Variants in TRPS1 observed in about 807,000 individuals in gnomAD.
TRPS1 encodes the protein zinc finger transcription factor Trps1.
Under a neutral mutation model 101.2 loss-of-function variants are expected in TRPS1, and 6 were observed. The ratio of observed to expected loss-of-function variants is 0.06; its 90% CI spans 0.03 to 0.12. The LOEUF is 0.12. Ranked by LOEUF, TRPS1 falls within the 10% of genes least tolerant of loss-of-function variation. TRPS1 has a pLI of 1.00. For synonymous variants in TRPS1, 578 were observed against 589.8 expected (o/e 0.98, Z 0.29); for missense variants, 1,363 against 1,567.0 (o/e 0.87, Z 2.20).
At position 115,610,203 on chromosome 8, in the gene TRPS1, G is replaced by A. The variant is rs553965136; in HGVS notation, c.967-5201C>T. 1.2e-4 allele frequency among the ~76,000 whole-genome samples: 19 copies of A among 152,154 alleles called. No homozygotes were observed. The South Asian group carries it at 3.9e-3, about 32-fold the overall frequency. The stretch of plus-strand genomic sequence containing the variant: ...AATTTAAGAGAACTTGAGGTTATGG[G>A]CTGATAGTCAAAGAGGTAAAAGCTT... On this transcript the variant is annotated intron_variant, in intron 3 of 6. Transcript: ENST00000395715.
intron 1 of TRPS1, among the ~76,000 whole-genome samples, chr8:115,659,210 A>G (rs1275050818): frequency 6.6e-6 from 1 of 151,958 alleles, no homozygotes; most frequent in South Asian, 2.1e-4. Flanking sequence ...AGCTACAGAA[A>G]ATAGTATTTC....
At chr8:115,589,675 C>T (rs6469606) in intron 4 of TRPS1, among the ~76,000 whole-genome samples, 105,596 of 151,586 alleles carry the variant, frequency 0.7, 38,151 homozygotes, top group African/African-American at 0.89. Context: ...AACGTGAAGA[C>T]GATTATCAAC....
At chr8:115,452,052 C>G (rs1275026894) in intron 5 of TRPS1, among the ~76,000 whole-genome samples, 1 of 152,104 alleles carries the variant, frequency 6.6e-6, no homozygotes, top group Admixed American at 6.6e-5. Context: ...TATGTTCTCT[C>G]AAAGCTGTGT....
intron 1 of TRPS1, among the ~76,000 whole-genome samples, chr8:115,653,572 C>T (rs1403065721): frequency 6.6e-6 from 1 of 151,906 alleles, no homozygotes; most frequent in Admixed American, 6.6e-5. Flanking sequence ...GATTATTTTC[C>T]ACCAGCAAAC....
intron 5 of TRPS1, among the ~76,000 whole-genome samples, chr8:115,584,553 T>C (rs139891732): frequency 6.6e-6 from 1 of 152,038 alleles, no homozygotes; most frequent in Non-Finnish European, 1.5e-5. Flanking sequence ...TCTTCACTAA[T>C]AACTATGCCT....
intron 5 of TRPS1, among the ~76,000 whole-genome samples, chr8:115,442,074 T>G (rs1370943295): frequency 6.6e-6 from 1 of 152,158 alleles, no homozygotes; most frequent in African/African-American, 2.4e-5. Flanking sequence ...TCACAAAGCT[T>G]AAGAATGTTG....
chr8:115,519,705 C>T (rs116253076), intron 5 of TRPS1, among the ~76,000 whole-genome samples: 3,232 of 150,928 alleles, frequency 0.021, 119 homozygotes, highest in African/African-American at 0.069. Context: ...ATTGTGTAAA[C>T]AACATTAATA....
intron 1 of TRPS1, among the ~76,000 whole-genome samples, chr8:115,665,943 G>A (rs1811911437): frequency 6.6e-6 from 1 of 152,078 alleles, no homozygotes; most frequent in African/African-American, 2.4e-5. Context: ...ATACATATCA[G>A]GAAGCCATAA....
chr8:115,616,832 G>C (rs1025985445), intron 3 of TRPS1, among the ~76,000 whole-genome samples: 4 of 152,060 alleles, frequency 2.6e-5, no homozygotes, highest in Non-Finnish European at 4.4e-5. Context: ...TAGCCTCCAC[G>C]AAGTTTAACC....
chr8:115,580,854 C>A (rs1240308347), intron 5 of TRPS1, among the ~76,000 whole-genome samples: 3 of 152,142 alleles, frequency 2.0e-5, no homozygotes, highest in Non-Finnish European at 2.9e-5. Context: ...CTCAAAAAAA[C>A]CGCAAACAGA....
intron 5 of TRPS1, among the ~76,000 whole-genome samples, chr8:115,567,456 A>C (rs1001432605): frequency 1.3e-5 from 2 of 152,106 alleles, no homozygotes; most frequent in Non-Finnish European, 2.9e-5. Context: ...TTGACACAGC[A>C]ATTCCACTTC....
chr8:115,651,450 T>C (rs1194397850), intron 1 of TRPS1, among the ~76,000 whole-genome samples: 1 of 152,204 alleles, frequency 6.6e-6, no homozygotes, highest in East Asian at 1.9e-4. Flanking sequence ...GACAAACCAA[T>C]TTCACAATTT....
At chr8:115,632,896 G>A (rs1357747640) in intron 1 of TRPS1, among the ~76,000 whole-genome samples, 2 of 152,156 alleles carry the variant, frequency 1.3e-5, no homozygotes, top group African/African-American at 2.4e-5. Flanking sequence ...TTCCTGACAT[G>A]AGTGATAGTT....
chr8:115,547,229 T>G (rs377001465), intron 5 of TRPS1, among the ~76,000 whole-genome samples: 1 of 152,190 alleles, frequency 6.6e-6, no homozygotes, highest in African/African-American at 2.4e-5. Context: ...AAGCATCACT[T>G]GCTTTTTTAA....
At chr8:115,434,290 A>C (rs1192146573) in intron 5 of TRPS1, among the ~76,000 whole-genome samples, 1 of 152,198 alleles carries the variant, frequency 6.6e-6, no homozygotes, top group Non-Finnish European at 1.5e-5. Flanking sequence ...TCTGAAATTC[A>C]TATTTCAAAA....
intron 1 of TRPS1, among the ~76,000 whole-genome samples, chr8:115,664,739 G>T (rs1453736411): frequency 6.6e-6 from 1 of 152,084 alleles, no homozygotes; most frequent in Non-Finnish European, 1.5e-5. Context: ...ATTGTAACTT[G>T]TGAGCTGCAA....
intron 5 of TRPS1, among the ~76,000 whole-genome samples, chr8:115,535,284 GCATATATATAGCATATATAT>G (rs1160690950): frequency 4.2e-5 from 2 of 47,630 alleles, no homozygotes. Flanking sequence ...AGCATATATA[GCATATATATAGCATATATAT>G]AGCATATATA....
intron 5 of TRPS1, among the ~76,000 whole-genome samples, chr8:115,572,823 T>C (rs1395462084): frequency 6.6e-6 from 1 of 152,138 alleles, no homozygotes; most frequent in Non-Finnish European, 1.5e-5. Context: ...TCTAGAATTC[T>C]GCTAATGATA....
chr8:115,509,015 A>C (rs1332294331), intron 5 of TRPS1, among the ~76,000 whole-genome samples: 6 of 151,972 alleles, frequency 3.9e-5, no homozygotes, highest in African/African-American at 1.4e-4. Flanking sequence ...TGAATTAAAC[A>C]AACATCTTGG....
Sources: gnomAD v4.1 joint callset for allele counts (sites outside exome capture counted in the v4.1 genomes callset) on GRCh38, gnomAD v4.1.1 for gene constraint, MANE v1.5 for transcripts, NCBI Gene and HGNC (gene_info 2026-07-23, HGNC 2026-07-21) for gene names.